The following SPPL2B variants were observed in gnomAD, a reference collection of about 807,000 sequenced individuals.
SPPL2B encodes signal peptide peptidase like 2B.
In SPPL2B, 39 loss-of-function variants were observed where a neutral mutation model predicts 59.7. That is an observed-to-expected ratio of 0.65 (90% CI 0.51 to 0.85). The LOEUF is 0.85. Ranked by LOEUF, SPPL2B falls within the 40% of genes least tolerant of loss-of-function variation. The pLI is 0.00. For synonymous variants in SPPL2B, 419 were observed against 370.8 expected (o/e 1.13, Z -1.49); for missense variants, 865 against 849.0 (o/e 1.02, Z -0.23).
chr19:2,343,440 G>A (rs1969173102), intron 9 of SPPL2B, 148 bp downstream of exon 9: 4 of 739,186 alleles, frequency 5.4e-6, no homozygotes, highest in African/African-American at 5.3e-5. Context: ...TGTGAAGGGT[G>A]GGGCTTGAAG....
At chr19:2,344,475 G>T (rs781680755) in intron 11 of SPPL2B, 51 bp downstream of exon 11, 2 of 1,567,560 alleles carry the variant, frequency 1.3e-6, no homozygotes, top group African/African-American at 2.7e-5. Flanking sequence ...AAGGTGTTGC[G>T]CGGAGCGGAT....
At chr19:2,334,904 A>G (rs972617623) in intron 2 of SPPL2B, among the ~76,000 whole-genome samples, 183 bp downstream of exon 2, 1 of 152,092 alleles carries the variant, frequency 6.6e-6, no homozygotes, top group Non-Finnish European at 1.5e-5. Flanking sequence ...TCATCAATGC[A>G]AGCTGTCCAT....
intron 5 of SPPL2B, 153 bp from the exon 6 acceptor site, chr19:2,339,671 G>A: frequency 1.2e-6 from 1 of 823,372 alleles, no homozygotes; most frequent in East Asian, 2.7e-5. Context: ...TCTGCCCTGG[G>A]GACGTTCGGG....
chr19:2,343,321 G>A, intron 9 of SPPL2B, 29 bp downstream of exon 9: 1 of 1,530,244 alleles, frequency 6.5e-7, no homozygotes, highest in Middle Eastern at 1.7e-4. Flanking sequence ...CGGCTGCGGG[G>A]CAGCATGGGT....
chr19:2,350,807 A>G (rs1969885780), intron 13 of SPPL2B, among the ~76,000 whole-genome samples: 1 of 152,266 alleles, frequency 6.6e-6, no homozygotes, highest in Admixed American at 6.5e-5. Context: ...CGTCAGGGAC[A>G]TGAGCAAGGG....
intron 2 of SPPL2B, among the ~76,000 whole-genome samples, chr19:2,335,016 A>G (rs1481542927): frequency 6.6e-6 from 1 of 152,112 alleles, no homozygotes; most frequent in Admixed American, 6.5e-5. Flanking sequence ...GGGCCCAGAC[A>G]GAGGGGTCCT....
At chr19:2,337,289 A>G in intron 2 of SPPL2B, 154 bp from the exon 3 acceptor site, 2 of 642,164 alleles carry the variant, frequency 3.1e-6, no homozygotes, top group Non-Finnish European at 5.1e-6. Flanking sequence ...GAGCTGCAGT[A>G]GGGATGGCTC....
chr19:2,340,810 G>C (rs916214169), intron 7 of SPPL2B, 88 bp from the exon 8 acceptor site: 1 of 716,712 alleles, frequency 1.4e-6, no homozygotes, highest in Non-Finnish European at 2.3e-6. Context: ...ACTCTGCAGG[G>C]GGTGCCTGGG....
chr19:2,339,815 T>G lies in SPPL2B; in HGVS notation c.600-9T>G, dbSNP rs1487933351. 1.7e-5 allele frequency: 28 copies of G among 1,604,174 alleles called. No individual in the cohort carries two copies. Among genetic ancestry groups the G allele is most frequent in the Non-Finnish European group, 2.4e-5 (28 of 1,175,722 alleles). The stretch of plus-strand genomic sequence containing the variant: ...CCCAGGGCCCCACGACCCCATGGTG[T>G]CTCCCAAGAAGGTACATGAAGCACA... On this transcript the variant is annotated splice_polypyrimidine_tract_variant and intron_variant, in intron 5 of 14. Transcript: ENST00000613503.
intron 14 of SPPL2B, 51 bp downstream of exon 14, chr19:2,351,645 A>G: frequency 6.4e-7 from 1 of 1,564,088 alleles, no homozygotes; most frequent in Non-Finnish European, 8.7e-7. Context: ...AGTGAGCCCT[A>G]ACTAGAGTTA....
Position 2,332,643 on chromosome 19 carries a change from C to G in SPPL2B, c.67-1959C>G, listed in dbSNP as rs2145138855. Among the ~76,000 whole-genome samples the G allele has an allele frequency of 6.6e-6, 1 of 152,262 alleles. No individual in the cohort carries two copies. Among genetic ancestry groups the G allele is most frequent in the African/African-American group, 2.4e-5 (1 of 41,552 alleles). On this transcript the variant is annotated intron_variant, in intron 1 of 14. Coordinates refer to ENST00000613503, the MANE Select transcript of SPPL2B (RefSeq NM_152988.3). The surrounding 1 kb of genome is among the most constrained non-coding windows in gnomAD (Gnocchi z 4.6). ...TACAGCCTGGCAGGAGCCCTGCAGC[C>G]CCAGAAGGCTGAGGGCTGGGTGCTC...
chr19:2,352,278 G>T (rs1021917247), intron 14 of SPPL2B, among the ~76,000 whole-genome samples: 1 of 152,228 alleles, frequency 6.6e-6, no homozygotes, highest in Non-Finnish European at 1.5e-5. Context: ...TCCGGGCAGC[G>T]CCTCTTGGAG....
intron 7 of SPPL2B, chr19:2,340,661 C>G (rs1275492795): frequency 3.5e-6 from 2 of 577,584 alleles, no homozygotes; most frequent in East Asian, 5.9e-5. Flanking sequence ...AGGGGCGCAG[C>G]GCAGGCGAGG....
intron 2 of SPPL2B, chr19:2,337,003 TGTGTGC>T (rs1180430699): frequency 2.8e-4 from 45 of 163,298 alleles, no homozygotes; most frequent in African/African-American, 5.5e-4. Context: ...TGTGGGTGTG[TGTGTGC>T]GTGTGCGTGT....
intron 8 of SPPL2B, chr19:2,342,926 C>T (rs904161359): frequency 2.5e-5 from 11 of 434,408 alleles, no homozygotes; most frequent in African/African-American, 1.2e-4. Flanking sequence ...GAGACGCAGC[C>T]GGCCAGGCCT....
intron 1 of SPPL2B, among the ~76,000 whole-genome samples, 172 bp from the exon 2 acceptor site, chr19:2,334,430 G>A (rs1048634298): frequency 2.0e-5 from 3 of 152,328 alleles, no homozygotes; most frequent in Admixed American, 6.5e-5. Flanking sequence ...TGTAAACCAC[G>A]TATGGTCACG....
At position 2,332,191 on chromosome 19, in the gene SPPL2B, C is replaced by T. The variant is rs756357019; in HGVS notation, c.67-2411C>T. 6.6e-6 allele frequency among the ~76,000 whole-genome samples: 1 copy of T among 152,214 alleles called. No homozygotes were observed. Among genetic ancestry groups the T allele is most frequent in the Non-Finnish European group, 1.5e-5 (1 of 68,034 alleles). Reference sequence around the variant, plus strand: ...AGCATTAGCCAAGAGCTATGAGACCCCCAGTCGATTGTGGGGACCGGGGCT... The same window carrying T: ...AGCATTAGCCAAGAGCTATGAGACCTCCAGTCGATTGTGGGGACCGGGGCT... On this transcript the variant is annotated intron_variant, in intron 1 of 14. Transcript: ENST00000613503. The surrounding 1 kb of genome is among the most constrained non-coding windows in gnomAD (Gnocchi z 4.6).
intron 2 of SPPL2B, among the ~76,000 whole-genome samples, chr19:2,335,288 C>A (rs112631200): frequency 1.9e-4 from 25 of 130,296 alleles, no homozygotes; most frequent in Non-Finnish European, 3.7e-4. Flanking sequence ...CCACTGCATC[C>A]TTCAGGCCCC....
intron 1 of SPPL2B, 60 bp downstream of exon 1, chr19:2,328,835 C>T (rs934462012): frequency 6.9e-6 from 9 of 1,297,388 alleles, no homozygotes; most frequent in Non-Finnish European, 7.9e-6. Context: ...CTCTCTGTCC[C>T]CGGGCTACGC....
Sources: allele counts gnomAD v4.1 joint callset (sites outside exome capture counted in the v4.1 genomes callset), GRCh38; gene constraint gnomAD v4.1.1; non-coding constraint Gnocchi (gnomAD v3.1); transcripts MANE v1.5; gene names NCBI Gene and HGNC (gene_info 2026-07-23, HGNC 2026-07-21).